The following ATP6V1A variants were observed in gnomAD, a reference collection of about 807,000 sequenced individuals.
The protein encoded by ATP6V1A is ATPase H+ transporting V1 subunit A, also known as V-type proton ATPase catalytic subunit A.
In ATP6V1A, 18 loss-of-function variants were observed where a neutral mutation model predicts 70.1. The observed-to-expected ratio is 0.26, with a 90% confidence interval of 0.18 to 0.38. The LOEUF is 0.38. Among genes scored for constraint, ATP6V1A ranks in the 10% least tolerant of loss-of-function variants. The pLI is 1.00. For synonymous variants in ATP6V1A, 232 were observed against 253.8 expected, an observed-to-expected ratio of 0.91 and a Z score of 0.82; for missense variants, 424 against 772.4, an observed-to-expected ratio of 0.55 and a Z score of 5.35.
At chr3:113,805,754 A>G (rs1378087510) in intron 14 of ATP6V1A, among the ~76,000 whole-genome samples, 1 of 152,008 alleles carries the variant, frequency 6.6e-6, no homozygotes, top group Non-Finnish European at 1.5e-5. Flanking sequence ...TTTTTTTAGT[A>G]GAGATGGGGT....
intron 1 of ATP6V1A, among the ~76,000 whole-genome samples, chr3:113,775,935 T>G (rs1577086678): frequency 1.3e-5 from 2 of 152,226 alleles, no homozygotes; most frequent in East Asian, 3.8e-4. Context: ...TAAATCTTCT[T>G]TCTGTTTTCC....
chr3:113,804,348 G>A (rs1209850944), intron 13 of ATP6V1A, among the ~76,000 whole-genome samples: 21 of 151,924 alleles, frequency 1.4e-4, no homozygotes, highest in Admixed American at 1.4e-3. Flanking sequence ...TAATAGTTCT[G>A]CTTTCATGCC....
intron 1 of ATP6V1A, among the ~76,000 whole-genome samples, chr3:113,775,679 C>T (rs1708903046): frequency 6.6e-6 from 1 of 152,120 alleles, no homozygotes; most frequent in Admixed American, 6.5e-5. Context: ...AGGATGTGAT[C>T]CCAAGTCTGC....
intron 1 of ATP6V1A, among the ~76,000 whole-genome samples, chr3:113,767,086 CTTTTTTTT>C (rs369126041): frequency 9.3e-6 from 1 of 107,844 alleles, no homozygotes; most frequent in South Asian, 3.2e-4. Flanking sequence ...GATGTTATGT[CTTTTTTTT>C]TTTTTTTTTT....
chr3:113,762,977 AT>A (rs905881007), intron 1 of ATP6V1A, among the ~76,000 whole-genome samples: 1 of 152,010 alleles, frequency 6.6e-6, no homozygotes, highest in African/African-American at 2.4e-5. Context: ...CATATTACCA[AT>A]TTTTTCCCCA....
chr3:113,750,037 C>T (rs147142375), intron 1 of ATP6V1A, among the ~76,000 whole-genome samples: 16 of 152,244 alleles, frequency 1.1e-4, no homozygotes, highest in Admixed American at 2.6e-4. Flanking sequence ...AGTGGCTCTG[C>T]GTGATCTATA....
At position 113,790,835 on chromosome 3, in the gene ATP6V1A, C is replaced by T. The variant is rs1199253939; in HGVS notation, c.988+995C>T. Among the ~76,000 whole-genome samples, 51 of 152,092 alleles carry T rather than the reference C, an allele frequency of 3.4e-4. 1 individual carries two copies. The highest frequency in any genetic ancestry group is 3.3e-3 in the Admixed American group (51 of 15,266). On this transcript the variant is annotated intron_variant, in intron 8 of 14. Coordinates refer to ENST00000273398, the MANE Select transcript of ATP6V1A (RefSeq NM_001690.4). ...TTATTTTTTTTCTACTGCCTTTAAA[C>T]TTTAATAGTAGTTTGGCTGAGTATA...
chr3:113,777,870 C>CAA (rs780151618), intron 1 of ATP6V1A, among the ~76,000 whole-genome samples: 1 of 152,114 alleles, frequency 6.6e-6, no homozygotes, highest in Non-Finnish European at 1.5e-5. Context: ...TGAGAGCTGA[C>CAA]AAAGAGTTCA....
chr3:113,793,115 A>G (rs2108036772), intron 8 of ATP6V1A, among the ~76,000 whole-genome samples: 2 of 152,206 alleles, frequency 1.3e-5, no homozygotes, highest in South Asian at 4.1e-4. Context: ...GCTGGAATGC[A>G]GTGGTGCGAT....
At chr3:113,786,790 T>C (rs1234087771) in intron 6 of ATP6V1A, among the ~76,000 whole-genome samples, 4 of 151,320 alleles carry the variant, frequency 2.6e-5, no homozygotes, top group Non-Finnish European at 4.4e-5. Context: ...TTTTTTTTTT[T>C]AATTGAGACA....
intron 6 of ATP6V1A, among the ~76,000 whole-genome samples, chr3:113,787,776 T>C (rs901847471): frequency 3.9e-5 from 6 of 152,194 alleles, no homozygotes; most frequent in Non-Finnish European, 8.8e-5. Context: ...AAAACCGATA[T>C]CATTATTTTT....
At chr3:113,795,314 C>CTAA in intron 10 of ATP6V1A, 110 bp downstream of exon 10, 6 of 1,211,926 alleles carry the variant, frequency 5.0e-6, no homozygotes, top group African/African-American at 1.5e-5. Context: ...CCGCTGGGAG[C>CTAA]AGCGGTTCTT....
rs752698604 is a variant in ATP6V1A at position 113,784,793 on chromosome 3, C to G, written c.524C>G (p.Thr175Ser). The part of the protein sequence containing the change: ...KIMLPPRNRG[T>S]VTYIAPPGNY... ...ATGTTACCCCCACGAAACAGAGGAA[C>G]TGTAACTTACATTGCTCCACCTGGG... is the stretch of plus-strand genomic sequence containing the variant. Residue 175 changes from threonine (T) to serine (S), a missense_variant, in exon 5 of 15, where the codon ACT becomes AGT. This residue lies in a region of ATP6V1A where 139 missense variants were observed against 163.5 expected (regional missense o/e 0.85). Transcript: ENST00000273398. 6.2e-7 allele frequency: 1 copy of G among 1,614,114 alleles called. No homozygotes were observed. The highest frequency in any genetic ancestry group is 1.1e-5 in the South Asian group (1 of 91,086).
rs771765985 is a variant in ATP6V1A at position 113,781,115 on chromosome 3, T to C, written c.148T>C (p.Leu50=). The C allele has an allele frequency of 4.3e-6, 7 of 1,613,584 alleles. No homozygotes were observed. The highest frequency in any genetic ancestry group is 4.0e-5 in the African/African-American group (3 of 74,880). Reference sequence around the variant, plus strand: ...GCTGGTGAGAGTGGGCCACAGCGAATTGGTTGGAGAGATTATTCGATTGGA... The same window carrying C: ...GCTGGTGAGAGTGGGCCACAGCGAACTGGTTGGAGAGATTATTCGATTGGA... ...YELVRVGHSE[L]VGEIIRLEGD... is the part of the protein sequence containing the mutation. The change falls in exon 3 of 15, where the codon TTG becomes CTG. Residue 50 remains leucine, a synonymous_variant. Coordinates refer to ENST00000273398, the MANE Select transcript of ATP6V1A (RefSeq NM_001690.4).
intron 1 of ATP6V1A, among the ~76,000 whole-genome samples, chr3:113,763,864 TG>T (rs969538009): frequency 5.3e-5 from 8 of 151,294 alleles, no homozygotes; most frequent in Admixed American, 5.3e-4. Flanking sequence ...TCTGTGTGTT[TG>T]TAAGAATTGC....
At chr3:113,777,434 C>G (rs555844250) in intron 1 of ATP6V1A, among the ~76,000 whole-genome samples, 1 of 152,192 alleles carries the variant, frequency 6.6e-6, no homozygotes, top group Admixed American at 6.6e-5. Flanking sequence ...ACAGAGAAGC[C>G]TCATGGAGAA....
chr3:113,800,289 A>G (rs976940860), intron 12 of ATP6V1A, among the ~76,000 whole-genome samples: 4 of 152,122 alleles, frequency 2.6e-5, no homozygotes, highest in Non-Finnish European at 1.5e-5. Flanking sequence ...TGTAACGCCA[A>G]TCTAAAATTC....
chr3:113,808,133 A>G (rs1709298533), intron 14 of ATP6V1A, among the ~76,000 whole-genome samples: 2 of 150,966 alleles, frequency 1.3e-5, no homozygotes, highest in South Asian at 2.1e-4. Flanking sequence ...TCTGTCTGAA[A>G]AAAAAAAAAA....
chr3:113,793,060 T>G (rs950000695), intron 8 of ATP6V1A, among the ~76,000 whole-genome samples: 2 of 152,114 alleles, frequency 1.3e-5, no homozygotes, highest in East Asian at 1.9e-4. Flanking sequence ...TGTTTTTTTT[T>G]GTTTGTTTGT....
Sources: gnomAD v4.1 joint callset for allele counts (sites outside exome capture counted in the v4.1 genomes callset) on GRCh38, gnomAD v4.1.1 for gene constraint, gnomAD v4.1.1 regional missense constraint, MANE v1.5 for transcripts, NCBI Gene and HGNC (gene_info 2026-07-23, HGNC 2026-07-21) for gene names.